Variants in HEATR3 observed in about 807,000 individuals in gnomAD.
HEATR3 encodes HEAT repeat-containing protein 3.
Under a neutral mutation model 72.8 loss-of-function variants are expected in HEATR3, and 56 were observed. The observed-to-expected ratio is 0.77, with a 90% CI of 0.62 to 0.96. The LOEUF (loss-of-function observed/expected upper bound fraction) is 0.96, where lower values mean the gene tolerates loss of function less well. HEATR3 is among the 40% of genes least tolerant of loss of function. The probability of loss-of-function intolerance (pLI) is 0.00; values close to 1 mark genes in which losing one functional copy is unlikely to be tolerated. For missense variants in HEATR3, 747 were observed against 831.4 expected, an observed-to-expected ratio of 0.90 and a Z score of 1.25; for synonymous variants, 331 against 318.1, an observed-to-expected ratio of 1.04 and a Z score of -0.43.
intron 13 of HEATR3, among the ~76,000 whole-genome samples, chr16:50,101,635 C>A (rs2037368060): frequency 2.0e-5 from 3 of 152,168 alleles, no homozygotes; most frequent in African/African-American, 7.2e-5. Flanking sequence ...GTGTCCAAAA[C>A]CTTCTGGATT....
chr16:50,066,729 C>T, intron 2 of HEATR3, 190 bp downstream of exon 2: 1 of 489,250 alleles, frequency 2.0e-6, no homozygotes, highest in Non-Finnish European at 3.2e-6. Flanking sequence ...CATCTGTCCA[C>T]CTGGCTGCTT....
Position 50,065,981 on chromosome 16 carries a change from CGTGCGCCTGCGCACG to C in HEATR3, c.-149_-135del. On this transcript the variant is annotated 5_prime_UTR_variant, in exon 1 of 15. Transcript: ENST00000299192. The stretch of plus-strand genomic sequence containing the variant: ...AACCCCGACCCGGCAGACGACGCGC[CGTGCGCCTGCGCACG>C]GCTTGCCCATGTGTGCTGCAGCCGT... The C allele has an allele frequency of 1.8e-6, 1 of 547,538 alleles. No individual in the cohort carries two copies. The highest frequency in any genetic ancestry group is 2.8e-6 in the Non-Finnish European group (1 of 350,924). 33.9% of individuals were successfully genotyped at this position (547,538 alleles called of 1,614,324 possible). A position where few individuals can be genotyped will look rare whatever the true frequency, so the allele number is the denominator to read the frequency against.
At chr16:50,098,571 G>T (rs2037297660) in intron 12 of HEATR3, among the ~76,000 whole-genome samples, 1 of 152,056 alleles carries the variant, frequency 6.6e-6, no homozygotes, top group Admixed American at 6.6e-5. Context: ...CAGAAGAATG[G>T]TGTGAACCCA....
intron 13 of HEATR3, among the ~76,000 whole-genome samples, chr16:50,101,662 T>G (rs2037368320): frequency 6.6e-6 from 1 of 152,210 alleles, no homozygotes; most frequent in African/African-American, 2.4e-5. Context: ...ATTGCTACCT[T>G]GTGGTGGTAA....
intron 5 of HEATR3, 92 bp downstream of exon 5, chr16:50,072,806 A>AT (rs1003725149): frequency 9.4e-5 from 74 of 784,476 alleles, no homozygotes; most frequent in East Asian, 8.8e-4. Flanking sequence ...CACTGGAGTG[A>AT]TTTTTTGTTT....
chr16:50,084,554 C>T lies in HEATR3; in HGVS notation c.1291-15C>T, dbSNP rs760917881. On this transcript the variant is annotated splice_polypyrimidine_tract_variant and intron_variant, in intron 9 of 14. Transcript: ENST00000299192. ...TACTCTTTAACCTTTGCTTTACTGCCTCTTTTAAATCTAGATTTTTGAGAA... is the reference window on the plus strand; with the variant it reads ...TACTCTTTAACCTTTGCTTTACTGCTTCTTTTAAATCTAGATTTTTGAGAA... The T allele has an allele frequency of 6.3e-7, 1 of 1,583,964 alleles. No individual in the cohort carries two copies. Among genetic ancestry groups the T allele is most frequent in the Non-Finnish European group, 8.7e-7 (1 of 1,154,542 alleles).
intron 12 of HEATR3, among the ~76,000 whole-genome samples, chr16:50,096,320 G>A (rs367878353): frequency 3.2e-4 from 14 of 43,422 alleles, no homozygotes; most frequent in Admixed American, 8.6e-4. Flanking sequence ...GCAAGACTCC[G>A]TCTCAAAAAA....
At position 50,100,249 on chromosome 16, in the gene HEATR3, T is replaced by G; in HGVS notation, c.1619T>G (p.Leu540Arg). The G allele has an allele frequency of 6.2e-7, 1 of 1,613,984 alleles. No individual in the cohort carries two copies. Among genetic ancestry groups the G allele is most frequent in the Non-Finnish European group, 8.5e-7 (1 of 1,179,946 alleles). ...TAACAGTGCATGACTCCTGATCAGC[T>G]GATGACATTATGCAAAGCAGGCATT... ...NISQCMTPDQ[L>R]MTLCKAGIHS... The change falls in exon 13 of 15, where the codon CTG becomes CGG. Residue 540 changes from leucine (L) to arginine (R), a missense_variant. By Grantham distance (102) the Leu-to-Arg change is moderately radical. Coordinates refer to ENST00000299192, the MANE Select transcript of HEATR3 (RefSeq NM_182922.4).
intron 12 of HEATR3, among the ~76,000 whole-genome samples, 198 bp downstream of exon 12, chr16:50,094,991 TTTTAA>T (rs772190277): frequency 7.2e-5 from 11 of 152,208 alleles, no homozygotes; most frequent in Non-Finnish European, 1.2e-4. Context: ...ACACAGGTGC[TTTTAA>T]TTTAATTTTT....
chr16:50,073,036 A>G (rs536577873), intron 5 of HEATR3: 1 of 263,306 alleles, frequency 3.8e-6, no homozygotes, highest in South Asian at 4.9e-5. Context: ...ACAGTAACGC[A>G]CAACTACCAG....
At chr16:50,083,151 G>A (rs1002980018) in intron 7 of HEATR3, among the ~76,000 whole-genome samples, 1 of 151,964 alleles carries the variant, frequency 6.6e-6, no homozygotes, top group Non-Finnish European at 1.5e-5. Context: ...GAAAAAAAAA[G>A]ACAATTGAAA....
At position 50,094,758 on chromosome 16, in the gene HEATR3, C is replaced by G. The variant is rs1260749598; in HGVS notation, c.1564C>G (p.Leu522Val). 2 of 1,595,464 alleles carry G rather than the reference C, an allele frequency of 1.3e-6. No homozygotes were observed. Among genetic ancestry groups the G allele is most frequent in the Non-Finnish European group, 1.7e-6 (2 of 1,172,458 alleles). Reference sequence around the variant, plus strand: ...AGCCATAAGTAGTGCTTTGAGGGCCCTTTTGCAAACAATGGCCTCCAAGAA... The same window carrying G: ...AGCCATAAGTAGTGCTTTGAGGGCCGTTTTGCAAACAATGGCCTCCAAGAA... The part of the protein sequence containing the change: ...LEAISSALRA[L>V]LQTMASKNIS... The change falls in exon 12 of 15, where the codon CTT becomes GTT. Residue 522 changes from leucine (L) to valine (V), a missense_variant. By Grantham distance (32) the Leu-to-Val change is conservative. This residue lies in a region of HEATR3 where 586 missense variants were observed against 708.8 expected (regional missense o/e 0.83). Transcript: ENST00000299192.
intron 12 of HEATR3, among the ~76,000 whole-genome samples, chr16:50,095,988 C>T (rs2037225978): frequency 6.6e-6 from 1 of 152,036 alleles, no homozygotes; most frequent in Non-Finnish European, 1.5e-5. Flanking sequence ...TCAGTTTTCC[C>T]AGCTGCAGTC....
At chr16:50,077,043 ATT>A (rs1049421077) in intron 6 of HEATR3, among the ~76,000 whole-genome samples, 1 of 141,164 alleles carries the variant, frequency 7.1e-6, no homozygotes. Context: ...AATTTTTTGT[ATT>A]TTTTTTTTTT....
At chr16:50,094,234 TAA>T (rs2037180489) in intron 11 of HEATR3, among the ~76,000 whole-genome samples, 1 of 152,174 alleles carries the variant, frequency 6.6e-6, no homozygotes, top group African/African-American at 2.4e-5. Flanking sequence ...CTGGGTCAGT[TAA>T]AGTGATGGTG....
intron 10 of HEATR3, 152 bp from the exon 11 acceptor site, chr16:50,086,063 A>G (rs2036979429): frequency 1.4e-6 from 1 of 697,782 alleles, no homozygotes; most frequent in Non-Finnish European, 2.3e-6. Context: ...CACAAAAAAC[A>G]GTTCACCTTG....
intron 12 of HEATR3, among the ~76,000 whole-genome samples, chr16:50,096,541 G>A (rs968165381): frequency 1.3e-5 from 2 of 152,130 alleles, no homozygotes; most frequent in African/African-American, 4.8e-5. Context: ...GCTCACGCCT[G>A]TAATCCCAGC....
intron 5 of HEATR3, chr16:50,074,613 T>G (rs1326031234): frequency 6.6e-6 from 1 of 152,314 alleles, no homozygotes; most frequent in Non-Finnish European, 1.5e-5. Flanking sequence ...GTGCTGGGAT[T>G]ACGGGCATGA....
chr16:50,073,990 A>G (rs1218264660), intron 5 of HEATR3: 3 of 152,238 alleles, frequency 2.0e-5, no homozygotes, highest in East Asian at 1.9e-4. Context: ...CCTGTATGGT[A>G]GCAGTCATGG....
Sources: gnomAD v4.1 joint callset for allele counts (sites outside exome capture counted in the v4.1 genomes callset) on GRCh38, gnomAD v4.1.1 for gene constraint, gnomAD v4.1.1 regional missense constraint, MANE v1.5 for transcripts, NCBI Gene and HGNC (gene_info 2026-07-23, HGNC 2026-07-21) for gene names.